YY1: variants seen among roughly 807,000 people sequenced by gnomAD.
YY1 encodes the protein YY1 transcription factor, also known as transcriptional repressor protein YY1.
YY1 carries 2 observed loss-of-function variants against 35.6 expected under a neutral mutation model. The ratio of observed to expected loss-of-function variants is 0.06; its 90% CI spans 0.02 to 0.18. The LOEUF (loss-of-function observed/expected upper bound fraction) is 0.18, where lower values mean the gene tolerates loss of function less well. Among genes scored for constraint, YY1 ranks in the 10% least tolerant of loss-of-function variants. The pLI is 1.00. For missense variants in YY1, 322 were observed against 573.4 expected (o/e 0.56, Z 4.48); for synonymous variants, 268 against 238.9 (o/e 1.12, Z -1.12).
chr14:100,282,139 C>T lies in YY1; in HGVS notation c.*4539C>T, dbSNP rs1218463080. 6.6e-6 allele frequency: 1 copy of T among 152,198 alleles called. No homozygotes were observed. Among genetic ancestry groups the T allele is most frequent in the South Asian group, 2.1e-4 (1 of 4,830 alleles). The allele number at this position is 152,198 out of a possible 1,614,324, so 9.4% of individuals were successfully genotyped here. ...GACACATGGAGAGCTTCGTCCTGGC[C>T]GAGCAGGCACCCAGCCCCATGTCCC... On this transcript the variant is annotated 3_prime_UTR_variant, in exon 5 of 5. Coordinates refer to ENST00000262238, the MANE Select transcript of YY1 (RefSeq NM_003403.5).
At position 100,276,384 on chromosome 14, in the gene YY1, T is replaced by G; in HGVS notation, c.904-106T>G. The G allele has an allele frequency of 6.8e-7, 1 of 1,462,692 alleles. No homozygotes were observed. Among genetic ancestry groups the G allele is most frequent in the Non-Finnish European group, 9.5e-7 (1 of 1,050,896 alleles). The allele number at this position is 1,462,692 out of a possible 1,614,324, so 90.6% of individuals were successfully genotyped here. A position where few individuals can be genotyped will look rare whatever the true frequency, so the allele number is the denominator to read the frequency against. Reference sequence around the variant, plus strand: ...TACTAAGTAAAATTAAAATGGGGGGTTGGGGAGGTGGTTTTGTTTTAATAT... The same window carrying G: ...TACTAAGTAAAATTAAAATGGGGGGGTGGGGAGGTGGTTTTGTTTTAATAT... On this transcript the variant is annotated intron_variant, in intron 3 of 4. Coordinates refer to ENST00000262238, the MANE Select transcript of YY1 (RefSeq NM_003403.5). The surrounding 1 kb of genome is among the most constrained non-coding windows in gnomAD (Gnocchi z 4.1).
At chr14:100,246,246 C>T (rs1890831726) in intron 1 of YY1, among the ~76,000 whole-genome samples, 1 of 152,240 alleles carries the variant, frequency 6.6e-6, no homozygotes, top group Admixed American at 6.5e-5. Context: ...GTGCATACTG[C>T]CTGCCCATGG....
In YY1 at chr14:100,278,924, T is replaced by C. The variant is rs1171169436; in HGVS notation, c.*1324T>C. 6.6e-6 allele frequency: 1 copy of C among 152,258 alleles called. No individual in the cohort carries two copies. The highest frequency in any genetic ancestry group is 1.5e-5 in the Non-Finnish European group (1 of 68,050). 9.4% of individuals were successfully genotyped at this position (152,258 alleles called of 1,614,324 possible). ...CTTGGCTTGTCTGACAGGAAATGCT[T>C]GTGGTCGTTGGTTATTTGGTTTGAG... On this transcript the variant is annotated 3_prime_UTR_variant, in exon 5 of 5. Transcript: ENST00000262238.
intron 2 of YY1, among the ~76,000 whole-genome samples, chr14:100,272,960 T>TTTG (rs1891265381): frequency 1.5e-5 from 2 of 132,344 alleles, no homozygotes; most frequent in Admixed American, 7.9e-5. Context: ...TGTTGTTTTT[T>TTTG]TTTTGTTTTT....
intron 1 of YY1, 80 bp downstream of exon 1, chr14:100,240,003 C>A: frequency 7.4e-7 from 1 of 1,347,758 alleles, no homozygotes; most frequent in Non-Finnish European, 9.7e-7. Context: ...TGATGGGCGC[C>A]GCCATCTTCT....
At chr14:100,268,659 A>G (rs1891189239) in intron 2 of YY1, among the ~76,000 whole-genome samples, 1 of 152,238 alleles carries the variant, frequency 6.6e-6, no homozygotes, top group South Asian at 2.1e-4. Context: ...TCACATGAAT[A>G]TTAATATTTA....
rs1891315366 is a variant in YY1 at position 100,276,218 on chromosome 14, A to G, written c.904-272A>G. 2.2e-6 allele frequency: 1 copy of G among 449,580 alleles called. No homozygotes were observed. Among genetic ancestry groups the G allele is most frequent in the South Asian group, 2.1e-5 (1 of 47,602 alleles). The allele number at this position is 449,580 out of a possible 1,614,324, so 27.8% of individuals were successfully genotyped here. A position where few individuals can be genotyped will look rare whatever the true frequency, so the allele number is the denominator to read the frequency against. On this transcript the variant is annotated intron_variant, in intron 3 of 4. Transcript: ENST00000262238. The surrounding 1 kb of genome is among the most constrained non-coding windows in gnomAD (Gnocchi z 4.1). ...TTCTATTCCCAGTTTGGCTACTACT[A>G]GTAGTGTGACCTTGGGCAAGTCTAC...
intron 1 of YY1, among the ~76,000 whole-genome samples, chr14:100,253,655 G>A (rs1890958096): frequency 2.0e-5 from 3 of 152,104 alleles, no homozygotes; most frequent in Admixed American, 2.0e-4. Context: ...GCCTCCCAAA[G>A]TGCTGGGATT....
Position 100,256,856 on chromosome 14 carries a change from T to TA in YY1, c.680-5447dup, listed in dbSNP as rs200054196. On this transcript the variant is annotated intron_variant, in intron 1 of 4. Transcript: ENST00000262238. The stretch of plus-strand genomic sequence containing the variant: ...AGAAGTATTATGGTAATGTATATTT[T>TA]ACCACAATTTTTTTTTTTTTTACGA... Among the ~76,000 whole-genome samples the TA allele has an allele frequency of 5.4e-4, 78 of 144,404 alleles. No homozygotes were observed. The East Asian group carries it at 0.014, about 26-fold the overall frequency. The allele number at this position is 144,404 out of a possible 152,430, so 94.7% of individuals were successfully genotyped here. A position where few individuals can be genotyped will look rare whatever the true frequency, so the allele number is the denominator to read the frequency against.
At chr14:100,259,159 C>T (rs1046877420) in intron 1 of YY1, among the ~76,000 whole-genome samples, 7 of 152,140 alleles carry the variant, frequency 4.6e-5, no homozygotes, top group East Asian at 1.9e-4. Context: ...TTGAAAATTT[C>T]GGAGTACCTA....
intron 1 of YY1, among the ~76,000 whole-genome samples, chr14:100,254,370 G>T (rs1277238948): frequency 1.3e-5 from 2 of 152,130 alleles, no homozygotes; most frequent in African/African-American, 2.4e-5. Flanking sequence ...GTCAAATATT[G>T]TCCTTTTGAT....
At position 100,276,885 on chromosome 14, in the gene YY1, T is replaced by C. The variant is rs1220383406; in HGVS notation, c.1062+237T>C. The C allele has an allele frequency of 1.8e-6, 1 of 571,308 alleles. No individual in the cohort carries two copies. Among genetic ancestry groups the C allele is most frequent in the African/African-American group, 1.9e-5 (1 of 53,270 alleles). The allele number at this position is 571,308 out of a possible 1,614,324, so 35.4% of individuals were successfully genotyped here. On this transcript the variant is annotated intron_variant, in intron 4 of 4. Transcript: ENST00000262238. This position sits in a 1 kb window ranked among gnomAD's most constrained non-coding sequence, Gnocchi z 4.1. ...ATGTATTGGTGTTGATGGAGTACAC[T>C]TTATGGCAGGAGGAGAACAGGATTG...
chr14:100,259,624 C>T (rs952608306), intron 1 of YY1, among the ~76,000 whole-genome samples: 1 of 151,992 alleles, frequency 6.6e-6, no homozygotes, highest in Non-Finnish European at 1.5e-5. Context: ...CAAGACTGAA[C>T]TGATAAAATG....
intron 1 of YY1, among the ~76,000 whole-genome samples, chr14:100,249,042 T>C (rs1292813844): frequency 6.6e-6 from 1 of 151,450 alleles, no homozygotes; most frequent in Non-Finnish European, 1.5e-5. Flanking sequence ...TGGTTTCAAA[T>C]GTGGTTTAGC....
At chr14:100,275,853 A>C (rs1019783262) in intron 3 of YY1, 2 of 156,848 alleles carry the variant, frequency 1.3e-5, no homozygotes, top group Admixed American at 1.2e-4. Context: ...CGAGCGCCAC[A>C]CATCCATCTG....
chr14:100,245,315 G>C (rs763421205), intron 1 of YY1, among the ~76,000 whole-genome samples: 2 of 152,158 alleles, frequency 1.3e-5, no homozygotes, highest in Non-Finnish European at 2.9e-5. Context: ...TTTTTTAGTT[G>C]TTGCTTTTTA....
At chr14:100,271,700 G>A (rs1041906544) in intron 2 of YY1, among the ~76,000 whole-genome samples, 17 of 151,602 alleles carry the variant, frequency 1.1e-4, no homozygotes, top group South Asian at 6.2e-4. Context: ...ACAAGGTCTC[G>A]TTCTGTCACC....
intron 1 of YY1, among the ~76,000 whole-genome samples, chr14:100,254,969 T>TTTTTTC (rs1890983150): frequency 7.6e-6 from 1 of 132,034 alleles, no homozygotes; most frequent in Non-Finnish European, 1.6e-5. Flanking sequence ...TTTTTTTTTT[T>TTTTTTC]GGTATTTTTA....
At chr14:100,265,757 T>G (rs1056777887) in intron 2 of YY1, among the ~76,000 whole-genome samples, 1 of 149,686 alleles carries the variant, frequency 6.7e-6, no homozygotes, top group Non-Finnish European at 1.5e-5. Context: ...TCAAGTGATC[T>G]CATGCCTCAG....
Sources: gnomAD v4.1 joint callset for allele counts (sites outside exome capture counted in the v4.1 genomes callset) on GRCh38, gnomAD v4.1.1 for gene constraint, Gnocchi (gnomAD v3.1) non-coding constraint, MANE v1.5 for transcripts, NCBI Gene and HGNC (gene_info 2026-07-23, HGNC 2026-07-21) for gene names.